The following CPT1A variants were observed in gnomAD, a reference collection of about 807,000 sequenced individuals.
The protein encoded by CPT1A is carnitine palmitoyltransferase 1A.
CPT1A carries 64 observed loss-of-function variants against 100.8 expected under a neutral mutation model. The observed-to-expected ratio is 0.63, with a 90% CI of 0.52 to 0.78. The LOEUF (loss-of-function observed/expected upper bound fraction) is 0.78, where lower values mean the gene tolerates loss of function less well. Ranked by LOEUF, CPT1A falls within the 30% of genes least tolerant of loss-of-function variation. The pLI is 0.00. For missense variants in CPT1A, 802 were observed against 1,034.1 expected (o/e 0.78, Z 3.08); for synonymous variants, 363 against 396.0 (o/e 0.92, Z 0.99).
chr11:68,797,167 C>T (rs1855777996), intron 6 of CPT1A, among the ~76,000 whole-genome samples: 1 of 152,120 alleles, frequency 6.6e-6, no homozygotes, highest in Non-Finnish European at 1.5e-5. Flanking sequence ...GGTACATCAC[C>T]TTCATTTTGT....
At chr11:68,824,891 C>T (rs993339353) in intron 1 of CPT1A, among the ~76,000 whole-genome samples, 3 of 149,414 alleles carry the variant, frequency 2.0e-5, no homozygotes, top group South Asian at 2.1e-4. Flanking sequence ...CTTTGCCTCC[C>T]GGGTTCAAGC....
In CPT1A at chr11:68,774,853, A is replaced by C. The variant is rs188342829; in HGVS notation, c.1575+463T>G. ...GGGAATTTCTCCTTGGATTAAGTGAACTAGGATTTGGTATTTGCAACCCTA... is the reference window on the plus strand; with the variant it reads ...GGGAATTTCTCCTTGGATTAAGTGACCTAGGATTTGGTATTTGCAACCCTA... On this transcript the variant is annotated intron_variant, in intron 13 of 18. Transcript: ENST00000265641. Among the ~76,000 whole-genome samples the C allele has an allele frequency of 2.6e-3, 402 of 151,956 alleles. 1 individual carries two copies. Among genetic ancestry groups the C allele is most frequent in the African/African-American group, 9.1e-3 (378 of 41,458 alleles).
chr11:68,822,645 G>A (rs1474531902), intron 1 of CPT1A, among the ~76,000 whole-genome samples: 3 of 151,950 alleles, frequency 2.0e-5, no homozygotes, highest in African/African-American at 2.4e-5. Flanking sequence ...GTCTGCACAC[G>A]AACACTCACA....
intron 4 of CPT1A, among the ~76,000 whole-genome samples, chr11:68,804,478 C>T (rs549265138): frequency 3.3e-5 from 5 of 152,234 alleles, no homozygotes; most frequent in African/African-American, 1.2e-4. Context: ...GTCTCAGCTA[C>T]TTGGGAGGCT....
upstream of CPT1A, chr11:68,841,932 G>A (rs1256399446): frequency 6.1e-6 from 6 of 984,700 alleles, no homozygotes; most frequent in South Asian, 4.5e-5. The surrounding 1 kb of genome is among the most constrained non-coding windows in gnomAD (Gnocchi z 6.3). Flanking sequence ...AGGCGGGTCC[G>A]GCTGCGGCGC....
chr11:68,768,940 T>C (rs1416310750), intron 14 of CPT1A, among the ~76,000 whole-genome samples: 1 of 152,188 alleles, frequency 6.6e-6, no homozygotes, highest in African/African-American at 2.4e-5. Flanking sequence ...AAAAAAGCCT[T>C]TACCAACCCC....
chr11:68,785,912 C>A, intron 9 of CPT1A: 2 of 635,194 alleles, frequency 3.1e-6, no homozygotes, highest in African/African-American at 1.8e-5. Flanking sequence ...GTAATTTAAG[C>A]TCCTCAGTAA....
chr11:68,768,066 C>CTTT (rs71043448), intron 14 of CPT1A, among the ~76,000 whole-genome samples: 7,148 of 71,146 alleles, frequency 0.1, 2,629 homozygotes, highest in Admixed American at 0.17. Flanking sequence ...AGTTTCCAGT[C>CTTT]TTTTTTTTTT....
intron 1 of CPT1A, among the ~76,000 whole-genome samples, chr11:68,837,292 C>T (rs528792257): frequency 2.6e-5 from 4 of 152,306 alleles, no homozygotes; most frequent in African/African-American, 9.6e-5. Context: ...TCATGTTCCG[C>T]CCATCGTGGC....
chr11:68,785,578 A>G (rs1855437495), intron 9 of CPT1A, among the ~76,000 whole-genome samples: 1 of 148,518 alleles, frequency 6.7e-6, no homozygotes, highest in South Asian at 2.1e-4. Context: ...AAAAAAAAAA[A>G]AAGCATGCTT....
At chr11:68,812,255 C>T (rs918895968) in intron 3 of CPT1A, among the ~76,000 whole-genome samples, 182 bp downstream of exon 3, 2 of 152,114 alleles carry the variant, frequency 1.3e-5, no homozygotes, top group African/African-American at 2.4e-5. Flanking sequence ...CGCAGGGGAC[C>T]GCAAACTCCT....
chr11:68,763,800 A>C (rs1400607704), intron 14 of CPT1A, among the ~76,000 whole-genome samples: 1 of 152,172 alleles, frequency 6.6e-6, no homozygotes, highest in African/African-American at 2.4e-5. Flanking sequence ...GAGACGAGCC[A>C]GCTGTTGAAT....
intron 1 of CPT1A, among the ~76,000 whole-genome samples, chr11:68,838,571 T>TAAAAAAAAAAAAAAC (rs1177976460): frequency 1.3e-5 from 1 of 74,210 alleles, no homozygotes; most frequent in Non-Finnish European, 2.1e-5. Context: ...CTGCACCTTT[T>TAAAAAAAAAAAAAAC]TAAAAAAAAA....
intron 7 of CPT1A, among the ~76,000 whole-genome samples, chr11:68,796,277 C>T (rs1855752730): frequency 6.6e-6 from 1 of 151,816 alleles, no homozygotes; most frequent in African/African-American, 2.4e-5. Context: ...GCAGGACAGG[C>T]CGGGCACGGT....
chr11:68,762,722 T>A lies in CPT1A; in HGVS notation c.1780A>T (p.Thr594Ser). ...KFCLTYEASM[T>S]RLFREGRTET... ...GTCCTCCCCTCTCGGAAGAGCCGGGTCATGGAGGCCTCGTATGTGAGGCAA... is the reference window on the plus strand; with the variant it reads ...GTCCTCCCCTCTCGGAAGAGCCGGGACATGGAGGCCTCGTATGTGAGGCAA... The change falls in exon 15 of 19, where the codon ACC (threonine) becomes TCC (serine). Residue 594 changes from threonine to serine, a missense_variant. Thr to Ser is a moderately conservative substitution (Grantham distance 58, BLOSUM62 1). Around this residue, in one of 4 missense-constraint regions of CPT1A, gnomAD observed 627 missense variants for 799.3 expected, o/e 0.78. Coordinates refer to ENST00000265641, the MANE Select transcript of CPT1A (RefSeq NM_001876.4). 6.2e-7 allele frequency: 1 copy of A among 1,614,038 alleles called. No individual in the cohort carries two copies. Among genetic ancestry groups the A allele is most frequent in the Middle Eastern group, 1.6e-4 (1 of 6,062 alleles).
chr11:68,785,927 A>G (rs1855451386), intron 9 of CPT1A: 1 of 683,518 alleles, frequency 1.5e-6, no homozygotes, highest in African/African-American at 1.8e-5. Context: ...CAGTAAGCTT[A>G]AACATCACAG....
At chr11:68,773,194 G>C (rs1270655541) in intron 14 of CPT1A, 71 bp downstream of exon 14, 6 of 1,605,322 alleles carry the variant, frequency 3.7e-6, no homozygotes, top group African/African-American at 1.3e-5. Flanking sequence ...TCCCCACTGG[G>C]TGAACAGTCT....
At chr11:68,795,915 AAAAAG>A (rs1220090900) in intron 7 of CPT1A, among the ~76,000 whole-genome samples, 6 of 152,094 alleles carry the variant, frequency 3.9e-5, no homozygotes, top group Admixed American at 1.3e-4. Context: ...TCTCAAAAAA[AAAAAG>A]AAAAGAAAAA....
At chr11:68,824,838 G>A (rs902682840) in intron 1 of CPT1A, among the ~76,000 whole-genome samples, 2 of 127,458 alleles carry the variant, frequency 1.6e-5, no homozygotes, top group East Asian at 4.4e-4. Flanking sequence ...TTGCTCTGTC[G>A]CCTAGGCTGG....
Sources: allele counts gnomAD v4.1 joint callset (sites outside exome capture counted in the v4.1 genomes callset), GRCh38; gene constraint gnomAD v4.1.1; regional missense constraint gnomAD v4.1.1; non-coding constraint Gnocchi (gnomAD v3.1); transcripts MANE v1.5; gene names NCBI Gene and HGNC (gene_info 2026-07-23, HGNC 2026-07-21).